Variants in PDE3A observed in about 807,000 individuals in gnomAD.
PDE3A encodes cGMP-inhibited 3',5'-cyclic phosphodiesterase 3A.
PDE3A carries 43 observed loss-of-function variants against 98.3 expected under a neutral mutation model. The observed-to-expected ratio is 0.44, with a 90% CI of 0.34 to 0.56. The LOEUF (loss-of-function observed/expected upper bound fraction) is 0.56, where lower values mean the gene tolerates loss of function less well. Ranked by LOEUF, PDE3A falls within the 20% of genes least tolerant of loss-of-function variation. The pLI is 0.01. For synonymous variants in PDE3A, 663 were observed against 567.9 expected, an observed-to-expected ratio of 1.17 and a Z score of -2.38; for missense variants, 1,427 against 1,440.7, an observed-to-expected ratio of 0.99 and a Z score of 0.15.
intron 1 of PDE3A, among the ~76,000 whole-genome samples, chr12:20,486,528 T>C (rs1417581333): frequency 6.6e-6 from 1 of 152,212 alleles, no homozygotes; most frequent in Admixed American, 6.5e-5. Context: ...CAATTCTTAC[T>C]TCCCAGTGTA....
At chr12:20,624,340 A>G (rs1242588699) in intron 5 of PDE3A, among the ~76,000 whole-genome samples, 2 of 152,188 alleles carry the variant, frequency 1.3e-5, no homozygotes, top group African/African-American at 4.8e-5. Context: ...TAAGATCAAG[A>G]AGCTGAAAAT....
intron 1 of PDE3A, among the ~76,000 whole-genome samples, chr12:20,501,649 GT>G (rs1000102215): frequency 1.3e-5 from 2 of 151,958 alleles, no homozygotes; most frequent in African/African-American, 4.8e-5. Context: ...GTTACTTTTT[GT>G]TCATTTAATG....
intron 2 of PDE3A, among the ~76,000 whole-genome samples, chr12:20,557,725 A>G (rs1003477140): frequency 6.6e-6 from 1 of 152,180 alleles, no homozygotes; most frequent in Non-Finnish European, 1.5e-5. Flanking sequence ...TCACATTTTA[A>G]TGACTGATTT....
At chr12:20,657,660 A>G (rs1200006201) in intron 15 of PDE3A, among the ~76,000 whole-genome samples, 1 of 152,206 alleles carries the variant, frequency 6.6e-6, no homozygotes, top group Non-Finnish European at 1.5e-5. Flanking sequence ...GTACAGAACA[A>G]TTTGGCTCCC....
At chr12:20,541,075 CTTTTTTTTTTTTTTTTTTTTTTT>C (rs777927679) in intron 1 of PDE3A, among the ~76,000 whole-genome samples, 36 of 52,988 alleles carry the variant, frequency 6.8e-4, no homozygotes, top group Admixed American at 1.5e-3. Flanking sequence ...TGGTAACTTT[CTTTTTTTTTTTTTTTTTTTTTTT>C]TTTTTTTTTT....
intron 1 of PDE3A, among the ~76,000 whole-genome samples, chr12:20,432,474 GGA>G (rs1256110937): frequency 6.6e-6 from 1 of 152,108 alleles, no homozygotes; most frequent in African/African-American, 2.4e-5. Flanking sequence ...AAAAAAGGTG[GGA>G]GGAAACTTCT....
At position 20,469,400 on chromosome 12, in the gene PDE3A, C is replaced by T. The variant is rs1945397971; in HGVS notation, c.961-87260C>T. On this transcript the variant is annotated intron_variant, in intron 1 of 15. Transcript: ENST00000359062. ...GTCAACTCCTCCCTATGCTCGCAGT[C>T]GTAGTCCATCTAGTCATTCTCCACT... 3.3e-5 allele frequency among the ~76,000 whole-genome samples: 5 copies of T among 152,140 alleles called. 1 individual carries two copies. Among genetic ancestry groups the T allele is most frequent in the Admixed American group, 2.0e-4 (3 of 15,274 alleles).
rs150253039 is a variant in PDE3A at position 20,613,476 on chromosome 12, G to T, written c.1045G>T (p.Val349Phe). The T allele has an allele frequency of 4.3e-6, 7 of 1,613,960 alleles. No homozygotes were observed. In the Admixed American group the frequency reaches 1.2e-4, roughly 27 times the overall value. Residue 349 changes from valine (V) to phenylalanine (F), a missense_variant, in exon 3 of 16, where the codon GTC (valine) becomes TTC (phenylalanine). By Grantham distance (50) the Val-to-Phe change is conservative. Coordinates refer to ENST00000359062, the MANE Select transcript of PDE3A (RefSeq NM_000921.5). ...SGTSITVDIA[V>F]MGEAHGLITD... Reference sequence around the variant, plus strand: ...AACCAGTATTACTGTGGACATCGCCGTCATGGGCGAGGCCCACGGCCTCAT... The same window carrying T: ...AACCAGTATTACTGTGGACATCGCCTTCATGGGCGAGGCCCACGGCCTCAT...
At chr12:20,528,303 A>C (rs1214489631) in intron 1 of PDE3A, among the ~76,000 whole-genome samples, 2 of 152,148 alleles carry the variant, frequency 1.3e-5, no homozygotes, top group African/African-American at 4.8e-5. Flanking sequence ...TACTGACATT[A>C]TGTACATGGT....
chr12:20,492,702 G>C (rs1449082477), intron 1 of PDE3A, among the ~76,000 whole-genome samples: 2 of 152,160 alleles, frequency 1.3e-5, no homozygotes, highest in East Asian at 3.9e-4. Flanking sequence ...CACTGAGCAG[G>C]TGGGGGCAGG....
At chr12:20,538,498 G>T (rs541492545) in intron 1 of PDE3A, among the ~76,000 whole-genome samples, 35 of 152,224 alleles carry the variant, frequency 2.3e-4, no homozygotes, top group African/African-American at 8.4e-4. Flanking sequence ...ATCTGTAAGG[G>T]AGTTAAGGTT....
At chr12:20,586,713 A>G (rs1006413731) in intron 2 of PDE3A, among the ~76,000 whole-genome samples, 9 of 152,236 alleles carry the variant, frequency 5.9e-5, no homozygotes, top group Non-Finnish European at 1.2e-4. Flanking sequence ...TTTTTAAACA[A>G]AAAGTGAAAA....
intron 1 of PDE3A, among the ~76,000 whole-genome samples, chr12:20,537,709 C>A (rs1160631518): frequency 1.3e-5 from 2 of 152,076 alleles, no homozygotes; most frequent in South Asian, 4.1e-4. Flanking sequence ...TCTAGCCCAG[C>A]ATTTCCAAAA....
chr12:20,420,673 A>T (rs974758281), intron 1 of PDE3A, among the ~76,000 whole-genome samples: 2 of 152,130 alleles, frequency 1.3e-5, no homozygotes, highest in African/African-American at 4.8e-5. Context: ...CACAGGCCTT[A>T]CTTTTTATTG....
At chr12:20,449,339 A>G (rs1945020766) in intron 1 of PDE3A, among the ~76,000 whole-genome samples, 1 of 152,234 alleles carries the variant, frequency 6.6e-6, no homozygotes, top group Non-Finnish European at 1.5e-5. Context: ...TATGAGGCAA[A>G]ATACAGCAAA....
chr12:20,669,234 G>C (rs1945403623), intron 15 of PDE3A, among the ~76,000 whole-genome samples: 1 of 151,970 alleles, frequency 6.6e-6, no homozygotes, highest in Non-Finnish European at 1.5e-5. Context: ...TGGTGTACCT[G>C]AAAGTGATGG....
chr12:20,554,130 T>C (rs1034053175), intron 1 of PDE3A, among the ~76,000 whole-genome samples: 3 of 151,790 alleles, frequency 2.0e-5, no homozygotes, highest in African/African-American at 7.2e-5. Context: ...TGTTAATTTT[T>C]CTAATTTTAC....
intron 1 of PDE3A, among the ~76,000 whole-genome samples, chr12:20,394,809 A>T (rs1943978990): frequency 6.6e-6 from 1 of 151,976 alleles, no homozygotes; most frequent in African/African-American, 2.4e-5. Flanking sequence ...GATATTATTT[A>T]GTTTTTAGGA....
At chr12:20,628,341 T>C (rs1944312144) in intron 5 of PDE3A, among the ~76,000 whole-genome samples, 1 of 152,028 alleles carries the variant, frequency 6.6e-6, no homozygotes, top group South Asian at 2.1e-4. Flanking sequence ...TTTGTCGTTA[T>C]CTTTGGAAAA....
Sources: allele counts gnomAD v4.1 joint callset (sites outside exome capture counted in the v4.1 genomes callset), GRCh38; gene constraint gnomAD v4.1.1; transcripts MANE v1.5; gene names NCBI Gene and HGNC (gene_info 2026-07-23, HGNC 2026-07-21).